Variants in TAB3 observed in about 807,000 individuals in gnomAD.
TAB3 encodes TGF-beta-activated kinase 1 and MAP3K7-binding protein 3.
TAB3 carries 18 observed loss-of-function variants against 48.1 expected under a neutral mutation model. That is an observed-to-expected ratio of 0.37 (90% CI 0.26 to 0.55). The LOEUF is 0.55. Ranked by LOEUF, TAB3 falls within the 20% of genes least tolerant of loss-of-function variation. The pLI, the probability that TAB3 is intolerant of heterozygous loss-of-function variation, is 0.78. For synonymous variants in TAB3, 185 were observed against 190.2 expected (o/e 0.97, Z 0.22); for missense variants, 414 against 549.8 (o/e 0.75, Z 2.47).
rs1939856179 is a variant in TAB3 at position 30,876,873 on chromosome X, C to T, written c.-382-5072G>A. 2.7e-5 allele frequency among the ~76,000 whole-genome samples: 3 copies of T among 111,279 alleles called. No homozygotes were observed. The Admixed American group carries it at 2.9e-4, about 11-fold the overall frequency. On this transcript the variant is annotated intron_variant, in intron 1 of 10. Coordinates refer to ENST00000288422, the MANE Select transcript of TAB3 (RefSeq NM_152787.5). ...ATAGGTCGGGGGAAAATAAAACGCTCAGAATGAAGAGAGGGTAAGAAACAT... is the reference window on the plus strand; with the variant it reads ...ATAGGTCGGGGGAAAATAAAACGCTTAGAATGAAGAGAGGGTAAGAAACAT...
chrX:30,848,880 G>A (rs766706908), intron 7 of TAB3, among the ~76,000 whole-genome samples: 1 of 109,089 alleles, frequency 9.2e-6, no homozygotes, highest in South Asian at 4.1e-4. Context: ...ATGCCTCTGG[G>A]ACTCAAAGCT....
At chrX:30,838,453 C>CA (rs1189290107) in intron 9 of TAB3, among the ~76,000 whole-genome samples, 1 of 111,977 alleles carries the variant, frequency 8.9e-6, no homozygotes, top group African/African-American at 3.3e-5. Flanking sequence ...TGCACTGAGC[C>CA]AGTCTAAGAC....
chrX:30,863,276 A>G (rs1245379397), intron 4 of TAB3, among the ~76,000 whole-genome samples: 1 of 112,475 alleles, frequency 8.9e-6, no homozygotes, highest in Admixed American at 9.4e-5. Context: ...TAACACTCTC[A>G]AACTTAATTT....
chrX:30,877,487 C>T (rs1248683228), intron 1 of TAB3, among the ~76,000 whole-genome samples: 2 of 112,008 alleles, frequency 1.8e-5, no homozygotes, highest in African/African-American at 3.2e-5. Context: ...TACAGGACAA[C>T]AATATGTATG....
At chrX:30,838,254 G>T (rs147263445) in intron 9 of TAB3, among the ~76,000 whole-genome samples, 387 of 111,709 alleles carry the variant, frequency 3.5e-3, no homozygotes, top group Non-Finnish European at 5.7e-3. Flanking sequence ...AGGCTGCAAT[G>T]AGCTATTTTT....
intron 10 of TAB3, among the ~76,000 whole-genome samples, chrX:30,832,973 C>CT (rs771088514): frequency 0.091 from 8,939 of 97,854 alleles, 1,140 homozygotes; most frequent in African/African-American, 0.31. Flanking sequence ...TTCTTTCTTT[C>CT]TTTTTTTTTT....
intron 1 of TAB3, among the ~76,000 whole-genome samples, chrX:30,877,099 G>A (rs767202471): frequency 3.6e-4 from 40 of 112,061 alleles, no homozygotes; most frequent in Non-Finnish European, 5.6e-4. Flanking sequence ...GGCAGCAGGG[G>A]CAGAGGTGGG....
At chrX:30,884,875 T>C (rs1310191888) in intron 1 of TAB3, among the ~76,000 whole-genome samples, 2 of 112,265 alleles carry the variant, frequency 1.8e-5, no homozygotes, top group Non-Finnish European at 3.8e-5. Flanking sequence ...AGAGGTCCAA[T>C]ACCTTTGAAA....
At chrX:30,859,420 T>C in intron 5 of TAB3, 67 bp downstream of exon 5, 1 of 789,500 alleles carries the variant, frequency 1.3e-6, no homozygotes. Context: ...TCTAATTACA[T>C]CACACATCAC....
At chrX:30,857,737 T>A (rs1349736945) in intron 5 of TAB3, among the ~76,000 whole-genome samples, 1 of 111,971 alleles carries the variant, frequency 8.9e-6, no homozygotes, top group East Asian at 2.8e-4. Flanking sequence ...ACAGAAGTAC[T>A]GTACAAAGAA....
chrX:30,842,038 G>A (rs1938465438), intron 9 of TAB3, among the ~76,000 whole-genome samples: 5 of 112,213 alleles, frequency 4.5e-5, no homozygotes, highest in Admixed American at 9.4e-5. Context: ...CGAACTCCTG[G>A]CCTCATGTGA....
At chrX:30,851,805 T>C (rs1323604527) in intron 7 of TAB3, among the ~76,000 whole-genome samples, 1 of 111,979 alleles carries the variant, frequency 8.9e-6, no homozygotes, top group East Asian at 2.8e-4. Flanking sequence ...GAGGTTAAGT[T>C]GAGCCTTGAA....
At chrX:30,882,391 A>G (rs1447712099) in intron 1 of TAB3, among the ~76,000 whole-genome samples, 2 of 112,293 alleles carry the variant, frequency 1.8e-5, no homozygotes, top group East Asian at 5.5e-4. Flanking sequence ...TCATTTTGAA[A>G]TCAAATCCAT....
intron 9 of TAB3, among the ~76,000 whole-genome samples, chrX:30,842,723 G>A (rs767598733): frequency 1.4e-4 from 15 of 110,870 alleles, no homozygotes; most frequent in African/African-American, 4.6e-4. Flanking sequence ...CTACTTGGGA[G>A]GCTGAGGCAG....
At chrX:30,856,539 A>G (rs1488114327) in intron 5 of TAB3, among the ~76,000 whole-genome samples, 1 of 112,300 alleles carries the variant, frequency 8.9e-6, no homozygotes, top group South Asian at 3.6e-4. Flanking sequence ...CATATTATCC[A>G]CTACTTTTGA....
intron 7 of TAB3, among the ~76,000 whole-genome samples, chrX:30,852,558 T>A (rs1938894086): frequency 9.0e-6 from 1 of 111,539 alleles, no homozygotes; most frequent in East Asian, 2.8e-4. Flanking sequence ...ATCGTCAGTG[T>A]TTGAAAATAC....
At chrX:30,848,599 C>T (rs770547600) in intron 7 of TAB3, among the ~76,000 whole-genome samples, 2 of 111,428 alleles carry the variant, frequency 1.8e-5, no homozygotes, top group South Asian at 7.6e-4. Flanking sequence ...AAGGGTTTAT[C>T]AGTAAGATTC....
intron 1 of TAB3, among the ~76,000 whole-genome samples, chrX:30,876,577 C>T (rs1939843490): frequency 9.0e-6 from 1 of 111,544 alleles, no homozygotes; most frequent in African/African-American, 3.3e-5. Flanking sequence ...GTGATCACGG[C>T]TCACTGCAGC....
intron 10 of TAB3, among the ~76,000 whole-genome samples, chrX:30,831,934 CCT>C (rs954100937): frequency 8.9e-6 from 1 of 111,840 alleles, no homozygotes; most frequent in African/African-American, 3.3e-5. Context: ...GTAAGTTTTC[CCT>C]GACTTCAGCC....
Sources: allele counts gnomAD v4.1 joint callset (sites outside exome capture counted in the v4.1 genomes callset), GRCh38; gene constraint gnomAD v4.1.1; transcripts MANE v1.5; gene names NCBI Gene and HGNC (gene_info 2026-07-23, HGNC 2026-07-21).